The following OPRM1 variants were observed in gnomAD, a reference collection of about 807,000 sequenced individuals.
OPRM1 encodes the protein mu-type opioid receptor.
In OPRM1, 27 loss-of-function variants were observed where a neutral mutation model predicts 31.8. The observed-to-expected ratio is 0.85, with a 90% CI of 0.63 to 1.17. The LOEUF (loss-of-function observed/expected upper bound fraction) is 1.17. OPRM1 is among the 50% of genes most tolerant of loss of function. The probability of loss-of-function intolerance (pLI) is 0.00; values close to 1 mark genes in which losing one functional copy is unlikely to be tolerated. For missense variants in OPRM1, 536 were observed against 511.1 expected (o/e 1.05, Z -0.47); for synonymous variants, 196 against 189.9 (o/e 1.03, Z -0.26).
At chr6:154,027,646 A>G (rs994181952) in intron 1 of OPRM1, among the ~76,000 whole-genome samples, 2 of 152,224 alleles carry the variant, frequency 1.3e-5, no homozygotes, top group Admixed American at 6.5e-5. Flanking sequence ...TTAGAACTCT[A>G]TCTGGTATTC....
chr6:154,109,784 CTCTCTCTCTGTGTGTGTGTGTGTGTGTG>C (rs1562482083), intron 3 of OPRM1, among the ~76,000 whole-genome samples: 3 of 121,630 alleles, frequency 2.5e-5, no homozygotes, highest in Admixed American at 1.5e-4. Flanking sequence ...CTCTCTCTCT[CTCTCTCTCTGTGTGTGTGTGTGTGTGTG>C]TGTGTGTGTG....
Position 154,119,906 on chromosome 6 carries a change from A to C in OPRM1, c.*1185A>C, listed in dbSNP as rs1410640372. On this transcript the variant is annotated 3_prime_UTR_variant, in exon 4 of 4. Coordinates refer to ENST00000330432, the MANE Select transcript of OPRM1 (RefSeq NM_000914.5). Reference sequence around the variant, plus strand: ...ATTTTGGTCTTTTTGATCTCTGCTAAATGTCAAGATTTCCTTTGTAAAGTG... The same window carrying C: ...ATTTTGGTCTTTTTGATCTCTGCTACATGTCAAGATTTCCTTTGTAAAGTG... Among the ~76,000 whole-genome samples the C allele has an allele frequency of 6.6e-6, 1 of 152,188 alleles. No individual in the cohort carries two copies. Among genetic ancestry groups the C allele is most frequent in the Non-Finnish European group, 1.5e-5 (1 of 68,022 alleles).
At chr6:154,046,093 A>G (rs567372511) in intron 1 of OPRM1, among the ~76,000 whole-genome samples, 1 of 152,196 alleles carries the variant, frequency 6.6e-6, no homozygotes, top group Non-Finnish European at 1.5e-5. Context: ...ATTGGTGACT[A>G]TACGTTAGCA....
chr6:154,026,981 C>T (rs753366831), intron 1 of OPRM1, among the ~76,000 whole-genome samples: 5 of 151,984 alleles, frequency 3.3e-5, no homozygotes, highest in South Asian at 2.1e-4. Context: ...TTAGTGGGGT[C>T]GTATTTTCTT....
chr6:154,077,688 A>G (rs78830325), intron 1 of OPRM1, among the ~76,000 whole-genome samples: 33,829 of 151,736 alleles, frequency 0.22, 4,691 homozygotes, highest in African/African-American at 0.39. Flanking sequence ...CCGAGCTAGC[A>G]CCACTGCACT....
rs370285309 is a variant in OPRM1 at position 154,155,787 on chromosome 6, G to GA, written c.1164+64325dup. The GA allele has an allele frequency of 2.3e-3, 332 of 146,996 alleles. 1 individual carries two copies. The highest frequency in any genetic ancestry group is 7.6e-3 in the African/African-American group (304 of 40,052). The allele number at this position is 146,996 out of a possible 1,614,324, so 9.1% of individuals were successfully genotyped here. A position where few individuals can be genotyped will look rare whatever the true frequency, so the allele number is the denominator to read the frequency against. On this transcript the variant is annotated intron_variant, in intron 3 of 3. Transcript: ENST00000337049. ...CAGAGCAAGACTCTGTCTAAAAAAA[G>GA]AAAAAAAAAAGTATTTCTTACTAAG...
At chr6:154,065,414 C>T (rs549525045) in intron 1 of OPRM1, among the ~76,000 whole-genome samples, 1 of 152,268 alleles carries the variant, frequency 6.6e-6, no homozygotes, top group South Asian at 2.1e-4. Flanking sequence ...TCCCAAAGTG[C>T]TGGGGTTACA....
At chr6:154,221,212 G>C in intron 3 of OPRM1, 1 of 1,387,424 alleles carries the variant, frequency 7.2e-7, no homozygotes, top group Non-Finnish European at 1.0e-6. Flanking sequence ...CTAAAGTTAA[G>C]TATATTCCCA....
At chr6:154,058,393 A>T (rs933169314) in intron 1 of OPRM1, among the ~76,000 whole-genome samples, 3 of 152,194 alleles carry the variant, frequency 2.0e-5, no homozygotes, top group African/African-American at 7.2e-5. Context: ...GAAGTTATAA[A>T]ATTTAGCTGA....
chr6:154,123,863 TGG>T lies in OPRM1; in HGVS notation c.*5145_*5146del, dbSNP rs1321164011. On this transcript the variant is annotated 3_prime_UTR_variant, in exon 4 of 4. Coordinates refer to ENST00000330432, the MANE Select transcript of OPRM1 (RefSeq NM_000914.5). Reference sequence around the variant, plus strand: ...ACTTTCATTGCCATCTTGGTTTTAGTGGGGTTTGGCCGGCTTCTTTACCACAT... The same window carrying T: ...ACTTTCATTGCCATCTTGGTTTTAGTGGTTTGGCCGGCTTCTTTACCACAT... Among the ~76,000 whole-genome samples, 3 of 152,264 alleles carry T rather than the reference TGG, an allele frequency of 2.0e-5. No homozygotes were observed. In the East Asian group the frequency reaches 5.8e-4, roughly 29 times the overall value.
intron 1 of OPRM1, among the ~76,000 whole-genome samples, chr6:154,056,996 T>C (rs543959652): frequency 1.7e-4 from 26 of 152,326 alleles, no homozygotes; most frequent in African/African-American, 6.3e-4. Flanking sequence ...ATTGAAATCC[T>C]TCAAATAGTC....
intron 3 of OPRM1, among the ~76,000 whole-genome samples, chr6:154,166,032 C>T (rs1352650612): frequency 3.3e-5 from 5 of 152,252 alleles, no homozygotes; most frequent in Non-Finnish European, 7.3e-5. Flanking sequence ...CCCCAGCTGA[C>T]AGCTTGATCA....
Position 154,099,988 on chromosome 6 carries a change from A to T in OPRM1, c.1164+8516A>T, listed in dbSNP as rs539710658. On this transcript the variant is annotated intron_variant, in intron 3 of 3. Coordinates refer to ENST00000330432, the MANE Select transcript of OPRM1 (RefSeq NM_000914.5). ...CATATTACGATATATATCATAACAT[A>T]TTATATATTATCATATTATGATATA... Among the ~76,000 whole-genome samples the T allele has an allele frequency of 2.2e-3, 304 of 138,520 alleles. 1 individual carries two copies. The highest frequency in any genetic ancestry group is 7.9e-3 in the African/African-American group (289 of 36,686). The allele number at this position is 138,520 out of a possible 152,430, so 90.9% of individuals were successfully genotyped here. A position where few individuals can be genotyped will look rare whatever the true frequency, so the allele number is the denominator to read the frequency against.
intron 3 of OPRM1, chr6:154,108,136 C>A (rs769086134): frequency 1.7e-6 from 1 of 572,498 alleles, no homozygotes; most frequent in Admixed American, 3.1e-5. Context: ...CCATCGCCTA[C>A]GGGCCAAGCT....
intron 3 of OPRM1, among the ~76,000 whole-genome samples, chr6:154,165,534 G>C (rs1456151887): frequency 1.3e-5 from 2 of 152,134 alleles, no homozygotes; most frequent in East Asian, 3.9e-4. Flanking sequence ...CATGGGTCCT[G>C]TTCTATTTCA....
rs1003705331 is a variant in OPRM1, at chr6:154,115,475, G to A, written c.1165-3208G>A. On this transcript the variant is annotated intron_variant, in intron 3 of 3. Transcript: ENST00000330432. ...GAATTGCTTGAGCCTGGGAGGTGGAGGTTGCAGTGAGCAGAGATTATACCA... is the reference window on the plus strand; with the variant it reads ...GAATTGCTTGAGCCTGGGAGGTGGAAGTTGCAGTGAGCAGAGATTATACCA... Among the ~76,000 whole-genome samples the A allele has an allele frequency of 5.3e-5, 8 of 152,190 alleles. No individual in the cohort carries two copies. The East Asian group carries it at 1.3e-3, about 26-fold the overall frequency.
At chr6:154,045,968 C>G (rs1781034639) in intron 1 of OPRM1, among the ~76,000 whole-genome samples, 2 of 152,172 alleles carry the variant, frequency 1.3e-5, no homozygotes, top group South Asian at 4.1e-4. Flanking sequence ...TTCCTCTTCC[C>G]TGGTTTACTC....
intron 3 of OPRM1, among the ~76,000 whole-genome samples, chr6:154,092,224 C>T (rs1792430675): frequency 6.6e-6 from 1 of 152,000 alleles, no homozygotes; most frequent in Admixed American, 6.6e-5. Flanking sequence ...CTTATACACA[C>T]TATTATAATC....
At chr6:154,025,765 A>G (rs1434191963) in intron 1 of OPRM1, among the ~76,000 whole-genome samples, 3 of 152,096 alleles carry the variant, frequency 2.0e-5, no homozygotes, top group African/African-American at 7.2e-5. Context: ...TTTTAACCTG[A>G]AAACAATTTA....
Sources: gnomAD v4.1 joint callset for allele counts (sites outside exome capture counted in the v4.1 genomes callset) on GRCh38, gnomAD v4.1.1 for gene constraint, MANE v1.5 for transcripts, NCBI Gene and HGNC (gene_info 2026-07-23, HGNC 2026-07-21) for gene names.